Variants in GTF2E2 observed in about 807,000 individuals in gnomAD.
GTF2E2 encodes transcription initiation factor IIE subunit beta.
In GTF2E2, 21 loss-of-function variants were observed where a neutral mutation model predicts 40.5. The observed-to-expected ratio is 0.52, with a 90% CI of 0.37 to 0.75. The LOEUF (loss-of-function observed/expected upper bound fraction) is 0.75, where lower values mean the gene tolerates loss of function less well. Among genes scored for constraint, GTF2E2 ranks in the 30% least tolerant of loss-of-function variants. GTF2E2 has a pLI of 0.00. For synonymous variants in GTF2E2, 117 were observed against 121.6 expected (o/e 0.96, Z 0.25); for missense variants, 298 against 338.4 (o/e 0.88, Z 0.94).
At chr8:30,654,841 G>A (rs781606847) in intron 1 of GTF2E2, among the ~76,000 whole-genome samples, 1 of 152,206 alleles carries the variant, frequency 6.6e-6, no homozygotes, top group Non-Finnish European at 1.5e-5. Context: ...TGCAAAAAAA[G>A]AGAACCATCA....
intron 4 of GTF2E2, among the ~76,000 whole-genome samples, chr8:30,612,974 C>T (rs1041724773): frequency 2.6e-5 from 4 of 152,188 alleles, no homozygotes; most frequent in Admixed American, 6.5e-5. Flanking sequence ...AATTCCAGAA[C>T]AGTAGATCAG....
At chr8:30,590,830 ACAGATGGGGACCAC>A (rs1449015878) in intron 6 of GTF2E2, among the ~76,000 whole-genome samples, 1 of 152,050 alleles carries the variant, frequency 6.6e-6, no homozygotes, top group Non-Finnish European at 1.5e-5. Flanking sequence ...AGCTGGGATT[ACAGATGGGGACCAC>A]CATGCCCAGC....
rs1395950635 is a variant in GTF2E2, at chr8:30,653,469, C to CT, written c.129dup (p.Glu44ArgfsTer9). On this transcript the variant is annotated frameshift_variant, in exon 2 of 8. Transcript: ENST00000355904. LOFTEE classifies it high-confidence loss of function. ...TTAGAGCCTGACGATCCTCCATGTT[C>CT]TACCTTTGTTTTCTTCTTCTTTGAC... 5 of 1,613,870 alleles carry CT rather than the reference C, an allele frequency of 3.1e-6. No homozygotes were observed. The highest frequency in any genetic ancestry group is 4.2e-6 in the Non-Finnish European group (5 of 1,179,818).
At chr8:30,604,479 T>C (rs1363712196) in intron 6 of GTF2E2, among the ~76,000 whole-genome samples, 1 of 152,238 alleles carries the variant, frequency 6.6e-6, no homozygotes, top group African/African-American at 2.4e-5. Context: ...TAAAGACATT[T>C]GCTTCAGCAT....
At chr8:30,624,928 T>C (rs1007199373) in intron 3 of GTF2E2, among the ~76,000 whole-genome samples, 7 of 151,856 alleles carry the variant, frequency 4.6e-5, no homozygotes, top group African/African-American at 1.5e-4. Flanking sequence ...TGGGGTTTTC[T>C]AGATATACAA....
At chr8:30,613,110 G>A (rs573166832) in intron 4 of GTF2E2, among the ~76,000 whole-genome samples, 1 of 152,314 alleles carries the variant, frequency 6.6e-6, no homozygotes, top group East Asian at 1.9e-4. Flanking sequence ...TAGTCAAAAT[G>A]TGTAGGAATC....
At chr8:30,604,034 A>G (rs1369678850) in intron 6 of GTF2E2, among the ~76,000 whole-genome samples, 3 of 152,214 alleles carry the variant, frequency 2.0e-5, no homozygotes, top group Non-Finnish European at 4.4e-5. Context: ...GAATGTTGCC[A>G]AGAAAGCAAT....
At chr8:30,601,127 CAAG>C (rs1291683152) in intron 6 of GTF2E2, among the ~76,000 whole-genome samples, 1 of 152,144 alleles carries the variant, frequency 6.6e-6, no homozygotes, top group Non-Finnish European at 1.5e-5. Context: ...GTACCTTACC[CAAG>C]GTTCCTGTAA....
chr8:30,636,775 CGA>C (rs1491522907), intron 2 of GTF2E2, among the ~76,000 whole-genome samples: 1 of 150,902 alleles, frequency 6.6e-6, no homozygotes, highest in Non-Finnish European at 1.5e-5. Flanking sequence ...ATCACTTGAA[CGA>C]GAGAGTTGGA....
In GTF2E2 at chr8:30,582,535, G is replaced by A. The variant is rs139188474; in HGVS notation, c.644-2139C>T. On this transcript the variant is annotated intron_variant, in intron 6 of 7. Coordinates refer to ENST00000355904, the MANE Select transcript of GTF2E2 (RefSeq NM_002095.6). Reference sequence around the variant, plus strand: ...CTTACTGAAACTTCACAAGTTTGAAGTGAAACTTCAACTTCACCGATGCTC... The same window carrying A: ...CTTACTGAAACTTCACAAGTTTGAAATGAAACTTCAACTTCACCGATGCTC... Among the ~76,000 whole-genome samples, 455 of 152,248 alleles carry A rather than the reference G, an allele frequency of 3.0e-3. 3 individuals carry two copies. Among genetic ancestry groups the A allele is most frequent in the African/African-American group, 0.011 (438 of 41,556 alleles).
In GTF2E2 at chr8:30,578,366, C is replaced by T. The variant is rs1241403166; in HGVS notation, c.*555G>A. ...CTCTGCTTGCTAACAAGCAGCACAC[C>T]TGTGTTCCAGTGGTGAAATCCATGT... On this transcript the variant is annotated 3_prime_UTR_variant, in exon 8 of 8. Transcript: ENST00000355904. 3.3e-5 allele frequency: 5 copies of T among 152,344 alleles called. No homozygotes were observed. The highest frequency in any genetic ancestry group is 7.3e-5 in the Non-Finnish European group (5 of 68,166). The allele number at this position is 152,344 out of a possible 1,614,324, so 9.4% of individuals were successfully genotyped here.
rs1462219146 is a variant in GTF2E2 at position 30,622,536 on chromosome 8, T to C, written c.259-7821A>G. ...AATGAAGTTTCAGGCACCATTGTCA[T>C]TGGTAACATCTTATCAGGAGACAGG... On this transcript the variant is annotated intron_variant, in intron 3 of 7. Coordinates refer to ENST00000355904, the MANE Select transcript of GTF2E2 (RefSeq NM_002095.6). Among the ~76,000 whole-genome samples the C allele has an allele frequency of 2.0e-5, 3 of 152,046 alleles. No individual in the cohort carries two copies. In the South Asian group the frequency reaches 6.2e-4, roughly 31 times the overall value.
intron 3 of GTF2E2, among the ~76,000 whole-genome samples, chr8:30,618,832 GAA>G (rs1360325652): frequency 6.6e-6 from 1 of 152,158 alleles, no homozygotes; most frequent in African/African-American, 2.4e-5. Flanking sequence ...AGAGCATTTT[GAA>G]AAGACTGGGA....
intron 3 of GTF2E2, among the ~76,000 whole-genome samples, chr8:30,634,353 C>T (rs1801520794): frequency 6.6e-6 from 1 of 151,936 alleles, no homozygotes; most frequent in South Asian, 2.1e-4. Context: ...GAGGCTGAGG[C>T]AGGAGGATCA....
chr8:30,649,754 C>T (rs1285640280), intron 2 of GTF2E2, among the ~76,000 whole-genome samples: 1 of 152,050 alleles, frequency 6.6e-6, no homozygotes, highest in East Asian at 1.9e-4. Flanking sequence ...GCCTGAGAGA[C>T]AGAGCAAGAC....
intron 6 of GTF2E2, among the ~76,000 whole-genome samples, chr8:30,597,859 T>C (rs1398359283): frequency 6.6e-6 from 1 of 152,216 alleles, no homozygotes; most frequent in Non-Finnish European, 1.5e-5. Context: ...AAGAAAATAA[T>C]TTCAGGTCAA....
In GTF2E2 at chr8:30,588,251, T is replaced by C. The variant is rs184745154; in HGVS notation, c.644-7855A>G. 4.6e-3 allele frequency among the ~76,000 whole-genome samples: 696 copies of C among 152,344 alleles called. 11 individuals carry two copies. Among genetic ancestry groups the C allele is most frequent in the Middle Eastern group, 0.014 (4 of 294 alleles). Reference sequence around the variant, plus strand: ...ATTCTAAGGACTTGAACTTAGTATGTTGAGGAGATGCTTGCACTCCCATGT... The same window carrying C: ...ATTCTAAGGACTTGAACTTAGTATGCTGAGGAGATGCTTGCACTCCCATGT... On this transcript the variant is annotated intron_variant, in intron 6 of 7. Transcript: ENST00000355904.
At chr8:30,629,133 T>C (rs997406940) in intron 3 of GTF2E2, among the ~76,000 whole-genome samples, 2 of 152,184 alleles carry the variant, frequency 1.3e-5, no homozygotes, top group African/African-American at 2.4e-5. Flanking sequence ...ACAGATTAAA[T>C]TGGTTCATAT....
intron 6 of GTF2E2, among the ~76,000 whole-genome samples, chr8:30,604,115 G>C (rs538735892): frequency 2.6e-5 from 4 of 152,200 alleles, no homozygotes; most frequent in East Asian, 1.9e-4. Flanking sequence ...AGGAATGAGG[G>C]GGGGAGAGGA....
Sources: gnomAD v4.1 joint callset for allele counts (sites outside exome capture counted in the v4.1 genomes callset) on GRCh38, gnomAD v4.1.1 for gene constraint, MANE v1.5 for transcripts, NCBI Gene and HGNC (gene_info 2026-07-23, HGNC 2026-07-21) for gene names.